Variants in FGD3 observed in about 807,000 individuals in gnomAD.
The protein encoded by FGD3 is FYVE, RhoGEF and PH domain containing 3.
A neutral mutation model predicts 71.8 loss-of-function variants in FGD3; 45 were observed. The observed-to-expected ratio is 0.63, with a 90% CI of 0.49 to 0.80. The LOEUF is 0.80. FGD3 is among the 30% of genes least tolerant of loss of function. FGD3 has a pLI of 0.00. For missense variants in FGD3, 844 were observed against 951.5 expected (o/e 0.89, Z 1.49); for synonymous variants, 378 against 392.8 (o/e 0.96, Z 0.44).
chr9:93,011,403 C>T (rs753196336), intron 8 of FGD3, 131 bp downstream of exon 8: 19 of 1,075,288 alleles, frequency 1.8e-5, no homozygotes, highest in Non-Finnish European at 2.5e-5. Context: ...TACCTCCTTC[C>T]ACCCCCATCC....
At chr9:93,018,571 G>A (rs1214358683) in intron 11 of FGD3, among the ~76,000 whole-genome samples, 1 of 152,126 alleles carries the variant, frequency 6.6e-6, no homozygotes, top group Non-Finnish European at 1.5e-5. Flanking sequence ...AAAGGGTCTG[G>A]GCATCTCATT....
At chr9:93,002,894 C>T (rs1200585977) in intron 3 of FGD3, 31 bp from the exon 4 acceptor site, 1 of 1,605,914 alleles carries the variant, frequency 6.2e-7, no homozygotes, top group Admixed American at 1.7e-5. Context: ...GCTCATCTTC[C>T]CCAGGTGAGC....
chr9:93,015,748 G>A lies in FGD3; in HGVS notation c.1194G>A (p.Met398Ile). ...CATCCCTCTTGCAGTTCAACAGCAT[G>A]ATCCTTTACTGTGTGCCCAAGCTGC... ...QDRHLFLFNSMILYCVPKLRL... is the reference protein window; with the variant it reads ...QDRHLFLFNSIILYCVPKLRL... The change falls in exon 10 of 18, where the codon ATG becomes ATA. Residue 398 changes from methionine to isoleucine, a missense_variant. Physicochemically the swap from Met to Ile is conservative, Grantham distance 10. Coordinates refer to ENST00000375482, the MANE Select transcript of FGD3 (RefSeq NM_001083536.2). 1.2e-6 allele frequency: 2 copies of A among 1,614,176 alleles called. No individual in the cohort carries two copies. Among genetic ancestry groups the A allele is most frequent in the Non-Finnish European group, 1.7e-6 (2 of 1,180,018 alleles).
chr9:93,029,947 C>T lies in FGD3; in HGVS notation c.1631C>T (p.Thr544Ile), dbSNP rs1455825572. Residue 544 changes from threonine to isoleucine, a missense_variant, in exon 15 of 18, where the codon ACC (threonine) becomes ATC (isoleucine). Thr to Ile is a moderately conservative substitution (Grantham distance 89). Coordinates refer to ENST00000375482, the MANE Select transcript of FGD3 (RefSeq NM_001083536.2). ...EKQSCKSCGE[T>I]FNSITKRRHH... ...CAGAGCTGTAAGAGCTGTGGTGAGACCTTCAACTCCATCACCAAGAGGAGG... is the reference window on the plus strand; with the variant it reads ...CAGAGCTGTAAGAGCTGTGGTGAGATCTTCAACTCCATCACCAAGAGGAGG... 1 of 1,613,592 alleles carries T rather than the reference C, an allele frequency of 6.2e-7. No individual in the cohort carries two copies. Among genetic ancestry groups the T allele is most frequent in the Non-Finnish European group, 8.5e-7 (1 of 1,179,764 alleles).
chr9:92,971,566 C>CTTTTTTTTTTTTTTTTT (rs869043960), intron 1 of FGD3, among the ~76,000 whole-genome samples: 2 of 39,570 alleles, frequency 5.1e-5, no homozygotes, highest in African/African-American at 9.2e-5. Flanking sequence ...CTTTTCTTTT[C>CTTTTTTTTTTTTTTTTT]TTTTTTTTTT....
chr9:92,949,080 T>C (rs3936098), intron 1 of FGD3, among the ~76,000 whole-genome samples: 105,735 of 152,060 alleles, frequency 0.7, 37,963 homozygotes, highest in African/African-American at 0.89. Flanking sequence ...GCAGGCTTCT[T>C]CAAGCCCATC....
chr9:92,981,594 ATCT>A (rs1860002364), intron 3 of FGD3, among the ~76,000 whole-genome samples: 1 of 151,852 alleles, frequency 6.6e-6, no homozygotes, highest in East Asian at 1.9e-4. Flanking sequence ...TTCCTTATTG[ATCT>A]TCTGTCTGTT....
At chr9:92,974,103 T>G (rs373598457) in intron 1 of FGD3, among the ~76,000 whole-genome samples, 6,906 of 152,252 alleles carry the variant, frequency 0.045, 228 homozygotes, top group East Asian at 0.16. Flanking sequence ...TGTCCATTTT[T>G]GTTGTTGTTC....
Position 93,035,710 on chromosome 9 carries a change from C to T in FGD3, c.*121C>T. The T allele has an allele frequency of 1.4e-6, 2 of 1,381,276 alleles. No individual in the cohort carries two copies. The highest frequency in any genetic ancestry group is 1.9e-6 in the Non-Finnish European group (2 of 1,048,308). 85.6% of individuals were successfully genotyped at this position (1,381,276 alleles called of 1,614,324 possible). Reference sequence around the variant, plus strand: ...GAGGGTGGGCCAACAGCCCAGAGCTCAGGACACTTGGCTTTGGGGGGAAGG... The same window carrying T: ...GAGGGTGGGCCAACAGCCCAGAGCTTAGGACACTTGGCTTTGGGGGGAAGG... On this transcript the variant is annotated 3_prime_UTR_variant, in exon 18 of 18. Transcript: ENST00000375482.
At chr9:92,996,696 C>T (rs1363741251) in intron 3 of FGD3, among the ~76,000 whole-genome samples, 1 of 152,182 alleles carries the variant, frequency 6.6e-6, no homozygotes, top group African/African-American at 2.4e-5. Context: ...TCATTGGTTT[C>T]AAAGAACATC....
At chr9:93,024,358 C>T (rs897309346) in intron 14 of FGD3, among the ~76,000 whole-genome samples, 2 of 152,216 alleles carry the variant, frequency 1.3e-5, no homozygotes, top group African/African-American at 4.8e-5. Flanking sequence ...GCCTGGAATC[C>T]CACAGCCAGG....
Position 92,987,864 on chromosome 9 carries a change from G to A in FGD3, c.453+11155G>A, listed in dbSNP as rs188973605. ...ACACTTCACCATTTCGCCCCTTAGC[G>A]CGCATGCATGAGTCCATTTATCCAA... is the stretch of plus-strand genomic sequence containing the variant. On this transcript the variant is annotated intron_variant, in intron 3 of 17. Coordinates refer to ENST00000375482, the MANE Select transcript of FGD3 (RefSeq NM_001083536.2). Among the ~76,000 whole-genome samples the A allele has an allele frequency of 3.7e-4, 56 of 152,252 alleles. 1 individual carries two copies. The South Asian group carries it at 6.6e-3, about 18-fold the overall frequency.
chr9:93,009,324 C>T (rs1861203504), intron 6 of FGD3, among the ~76,000 whole-genome samples: 1 of 152,052 alleles, frequency 6.6e-6, no homozygotes, highest in African/African-American at 2.4e-5. Context: ...TTGACAGAAA[C>T]AGTTGTTTTT....
At chr9:93,034,924 C>G (rs10992598) in intron 17 of FGD3, among the ~76,000 whole-genome samples, 45,770 of 152,034 alleles carry the variant, frequency 0.3, 7,043 homozygotes, top group African/African-American at 0.34. Flanking sequence ...CAAGGGGGCA[C>G]AAAGGGTGGC....
chr9:92,977,703 G>A (rs1244993048), intron 3 of FGD3, among the ~76,000 whole-genome samples: 2 of 152,162 alleles, frequency 1.3e-5, no homozygotes, highest in Admixed American at 6.5e-5. Context: ...CACACCGTGA[G>A]GCCACAGGGA....
At chr9:92,995,513 T>C (rs1587838878) in intron 3 of FGD3, among the ~76,000 whole-genome samples, 1 of 152,232 alleles carries the variant, frequency 6.6e-6, no homozygotes, top group Non-Finnish European at 1.5e-5. Context: ...AACACTACGT[T>C]GAATAGGAGT....
At chr9:92,982,667 T>C (rs1036970428) in intron 3 of FGD3, among the ~76,000 whole-genome samples, 12 of 152,058 alleles carry the variant, frequency 7.9e-5, no homozygotes, top group African/African-American at 2.9e-4. Flanking sequence ...TGCTTGATAT[T>C]CATGAACATT....
At chr9:92,964,757 G>A (rs1859249856) in intron 1 of FGD3, among the ~76,000 whole-genome samples, 1 of 152,082 alleles carries the variant, frequency 6.6e-6, no homozygotes. Flanking sequence ...TTTTCCATCG[G>A]CTGGCAGCGC....
chr9:93,005,247 C>T (rs574623184), intron 5 of FGD3, among the ~76,000 whole-genome samples: 2 of 152,262 alleles, frequency 1.3e-5, no homozygotes, highest in East Asian at 3.9e-4. Context: ...CTCAGCCTCC[C>T]AAGTAGCTGG....
Sources: allele counts gnomAD v4.1 joint callset (sites outside exome capture counted in the v4.1 genomes callset), GRCh38; gene constraint gnomAD v4.1.1; transcripts MANE v1.5; gene names NCBI Gene and HGNC (gene_info 2026-07-23, HGNC 2026-07-21).